Variants in DLG2 observed in about 807,000 individuals in gnomAD.
The protein encoded by DLG2 is disks large homolog 2.
In DLG2, 45 loss-of-function variants were observed where a neutral mutation model predicts 132.5. That is an observed-to-expected ratio of 0.34 (90% confidence interval 0.27 to 0.44). DLG2 has a LOEUF of 0.44. Ranked by LOEUF, DLG2 falls within the 20% of genes least tolerant of loss-of-function variation. The pLI is 1.00. For synonymous variants in DLG2, 424 were observed against 419.6 expected (o/e 1.01, Z -0.13); for missense variants, 1,045 against 1,196.9 (o/e 0.87, Z 1.87).
rs1164394816 is a variant in DLG2 at position 85,209,445 on chromosome 11, C to CTTTTTTTTT, written c.187-54803_187-54795dup. 2.3e-3 allele frequency among the ~76,000 whole-genome samples: 174 copies of CTTTTTTTTT among 74,444 alleles called. 20 individuals are homozygous for CTTTTTTTTT. Among genetic ancestry groups the CTTTTTTTTT allele is most frequent in the African/African-American group, 2.8e-3 (52 of 18,286 alleles). 48.8% of individuals were successfully genotyped at this position (74,444 alleles called of 152,430 possible). A position where few individuals can be genotyped will look rare whatever the true frequency, so the allele number is the denominator to read the frequency against. On this transcript the variant is annotated intron_variant, in intron 4 of 27. Coordinates refer to ENST00000376104, the MANE Select transcript of DLG2 (RefSeq NM_001142699.3). The stretch of plus-strand genomic sequence containing the variant: ...AACTTATGGGCACAAAGAAATCAGT[C>CTTTTTTTTT]TTTTTTTTTTTTTTTTTTTTTTGAG...
intron 6 of DLG2, among the ~76,000 whole-genome samples, chr11:84,694,835 T>C (rs1184116008): frequency 6.6e-6 from 1 of 151,516 alleles, no homozygotes; most frequent in South Asian, 2.1e-4. Flanking sequence ...GGGGTGAAAC[T>C]AAATGAAACT....
intron 6 of DLG2, among the ~76,000 whole-genome samples, chr11:84,566,463 A>T (rs973629003): frequency 6.6e-6 from 1 of 152,338 alleles, no homozygotes; most frequent in African/African-American, 2.4e-5. Context: ...CAGTGAATAC[A>T]AATGTCCCTC....
At chr11:84,378,712 C>A (rs530654549) in intron 7 of DLG2, among the ~76,000 whole-genome samples, 48 of 151,320 alleles carry the variant, frequency 3.2e-4, no homozygotes, top group African/African-American at 1.2e-3. Context: ...GGGCGGATTA[C>A]GAGGTCAAGA....
chr11:83,877,307 A>G (rs538557572), intron 15 of DLG2, among the ~76,000 whole-genome samples: 5 of 152,210 alleles, frequency 3.3e-5, no homozygotes, highest in Admixed American at 3.3e-4. Context: ...GGCTAATTGT[A>G]TATCTTTTGT....
At chr11:84,857,424 T>C (rs2082941514) in intron 6 of DLG2, among the ~76,000 whole-genome samples, 1 of 151,812 alleles carries the variant, frequency 6.6e-6, no homozygotes, top group Admixed American at 6.6e-5. Flanking sequence ...AGAAGTAGTA[T>C]TGATTTTTTT....
At chr11:83,931,235 T>C (rs1185546960) in intron 14 of DLG2, among the ~76,000 whole-genome samples, 1 of 152,234 alleles carries the variant, frequency 6.6e-6, no homozygotes, top group African/African-American at 2.4e-5. Flanking sequence ...TATAATTTGG[T>C]CCTATGACCA....
chr11:84,534,151 A>G (rs1344994177), intron 7 of DLG2, among the ~76,000 whole-genome samples: 1 of 152,140 alleles, frequency 6.6e-6, no homozygotes, highest in Non-Finnish European at 1.5e-5. Context: ...CAATTCACAC[A>G]TTTTCCTTTA....
intron 18 of DLG2, among the ~76,000 whole-genome samples, chr11:83,768,578 G>A (rs546322829): frequency 6.6e-6 from 1 of 152,258 alleles, no homozygotes; most frequent in East Asian, 1.9e-4. Flanking sequence ...CAATTGCTCA[G>A]ATAGTTGGTG....
chr11:84,744,369 A>G (rs1348000585), intron 6 of DLG2, among the ~76,000 whole-genome samples: 8 of 152,304 alleles, frequency 5.3e-5, no homozygotes, highest in African/African-American at 1.9e-4. Context: ...AGGCCTTGTG[A>G]CATCATCTTG....
intron 3 of DLG2, among the ~76,000 whole-genome samples, chr11:85,405,589 A>G (rs1447269093): frequency 1.3e-5 from 2 of 151,998 alleles, no homozygotes; most frequent in Non-Finnish European, 2.9e-5. Context: ...TCCATACACA[A>G]TATTACTAAT....
At chr11:85,603,479 A>G (rs1264135664) in intron 2 of DLG2, among the ~76,000 whole-genome samples, 1 of 151,010 alleles carries the variant, frequency 6.6e-6, no homozygotes, top group African/African-American at 2.4e-5. Flanking sequence ...AAGTCTGCCG[A>G]CATTTTTCGG....
intron 3 of DLG2, among the ~76,000 whole-genome samples, chr11:85,509,223 T>C (rs1222691100): frequency 1.3e-5 from 2 of 152,066 alleles, no homozygotes; most frequent in African/African-American, 2.4e-5. Context: ...GAAATAAATC[T>C]AACAGAAACC....
chr11:84,746,739 A>G (rs1276911790), intron 6 of DLG2, among the ~76,000 whole-genome samples: 2 of 152,238 alleles, frequency 1.3e-5, no homozygotes, highest in African/African-American at 4.8e-5. Flanking sequence ...CTGCTTAAAC[A>G]ATAAGAATAT....
intron 3 of DLG2, among the ~76,000 whole-genome samples, chr11:85,543,688 G>T (rs550463884): frequency 6.6e-6 from 1 of 152,236 alleles, no homozygotes; most frequent in East Asian, 1.9e-4. Flanking sequence ...TCTAACTGTC[G>T]TGAGATGGTA....
chr11:84,119,743 GAA>G (rs376246234), intron 9 of DLG2, among the ~76,000 whole-genome samples: 99 of 152,220 alleles, frequency 6.5e-4, no homozygotes, highest in African/African-American at 2.3e-3. Context: ...TAGATATTTA[GAA>G]AGAGTATACG....
chr11:84,180,890 T>C (rs2096103899), intron 8 of DLG2, among the ~76,000 whole-genome samples: 1 of 152,008 alleles, frequency 6.6e-6, no homozygotes, highest in Non-Finnish European at 1.5e-5. Flanking sequence ...TTTCTGTCAG[T>C]AGACCTATCT....
intron 8 of DLG2, among the ~76,000 whole-genome samples, chr11:84,191,152 AT>A (rs987145053): frequency 6.6e-6 from 1 of 152,094 alleles, no homozygotes; most frequent in Admixed American, 6.6e-5. Context: ...AGAAAGTCAG[AT>A]TTTTTTATGT....
intron 10 of DLG2, among the ~76,000 whole-genome samples, chr11:84,093,268 A>T (rs1036251480): frequency 5.3e-5 from 8 of 152,214 alleles, no homozygotes; most frequent in Admixed American, 3.9e-4. Flanking sequence ...GTTGTGTCAG[A>T]ATTCAGTTCC....
chr11:84,514,523 T>C (rs1462676243), intron 7 of DLG2, among the ~76,000 whole-genome samples: 1 of 151,990 alleles, frequency 6.6e-6, no homozygotes, highest in Admixed American at 6.6e-5. Flanking sequence ...GAGGTCATTA[T>C]GTTAACTGAA....
Sources: allele counts gnomAD v4.1 joint callset (sites outside exome capture counted in the v4.1 genomes callset), GRCh38; gene constraint gnomAD v4.1.1; transcripts MANE v1.5; gene names NCBI Gene and HGNC (gene_info 2026-07-23, HGNC 2026-07-21).